Variants in MARCHF1 observed in about 807,000 individuals in gnomAD.
MARCHF1 encodes E3 ubiquitin-protein ligase MARCHF1.
Under a neutral mutation model 54.2 loss-of-function variants are expected in MARCHF1, and 40 were observed. That is an observed-to-expected ratio of 0.74 (90% CI 0.57 to 0.96). The LOEUF (loss-of-function observed/expected upper bound fraction) is 0.96. Among genes scored for constraint, MARCHF1 ranks in the 40% least tolerant of loss-of-function variants. The probability of loss-of-function intolerance (pLI) is 0.00; values close to 1 mark genes in which losing one functional copy is unlikely to be tolerated. For missense variants in MARCHF1, 586 were observed against 656.5 expected (o/e 0.89, Z 1.17); for synonymous variants, 236 against 236.3 (o/e 1.00, Z 0.01).
chr4:163,995,238 G>A (rs960456473), intron 2 of MARCHF1, among the ~76,000 whole-genome samples: 2 of 152,082 alleles, frequency 1.3e-5, no homozygotes, highest in Non-Finnish European at 1.5e-5. Flanking sequence ...ATATTCAGGT[G>A]TATGGGTTTA....
intron 3 of MARCHF1, among the ~76,000 whole-genome samples, chr4:163,926,801 T>A (rs1190210172): frequency 6.6e-6 from 1 of 151,694 alleles, no homozygotes; most frequent in East Asian, 1.9e-4. Context: ...AATCCACAAT[T>A]TGGGCAGGTA....
intron 1 of MARCHF1, among the ~76,000 whole-genome samples, chr4:164,120,273 C>G (rs1430970): frequency 0.49 from 74,185 of 151,772 alleles, 18,458 homozygotes; most frequent in South Asian, 0.56. Context: ...TCCAACTCAG[C>G]AAGATAATCT....
At chr4:163,708,159 C>T (rs1745004673) in intron 4 of MARCHF1, among the ~76,000 whole-genome samples, 1 of 151,520 alleles carries the variant, frequency 6.6e-6, no homozygotes, top group African/African-American at 2.4e-5. Flanking sequence ...GAAACAGGCT[C>T]ATTGTACTCT....
chr4:164,181,624 T>C (rs1730836467), intron 1 of MARCHF1, among the ~76,000 whole-genome samples: 1 of 152,208 alleles, frequency 6.6e-6, no homozygotes, highest in African/African-American at 2.4e-5. Flanking sequence ...TTTTCTATAA[T>C]GAGCAGTGCT....
chr4:163,841,432 T>C (rs1436147935), intron 4 of MARCHF1, among the ~76,000 whole-genome samples: 1 of 132,032 alleles, frequency 7.6e-6, no homozygotes, highest in African/African-American at 2.8e-5. Context: ...AAAATTGCTA[T>C]ATAAAATAGA....
intron 1 of MARCHF1, among the ~76,000 whole-genome samples, chr4:164,219,936 T>C (rs759063461): frequency 2.0e-5 from 3 of 151,956 alleles, no homozygotes; most frequent in Non-Finnish European, 4.4e-5. Context: ...TGAAGTTACA[T>C]ATCAATTTAC....
chr4:163,967,300 G>A (rs1292863283), intron 3 of MARCHF1, among the ~76,000 whole-genome samples: 1 of 152,126 alleles, frequency 6.6e-6, no homozygotes, highest in East Asian at 1.9e-4. Flanking sequence ...ATAGAGATCA[G>A]TCAGGAGCAG....
At position 163,564,502 on chromosome 4, in the gene MARCHF1, G is replaced by C. The variant is rs375281506; in HGVS notation, c.1192-18759C>G. ...ACTTTATTTAAGGCCACATACTTGT[G>C]TTCTCAAATCTTTAGGAATCATGAA... On this transcript the variant is annotated intron_variant, in intron 8 of 9. Coordinates refer to ENST00000514618, the MANE Select transcript of MARCHF1 (RefSeq NM_001394959.1). Among the ~76,000 whole-genome samples, 99 of 152,292 alleles carry C rather than the reference G, an allele frequency of 6.5e-4. 1 individual carries two copies. Among genetic ancestry groups the C allele is most frequent in the African/African-American group, 2.4e-3 (98 of 41,556 alleles).
At chr4:163,763,094 C>T (rs1205967912) in intron 4 of MARCHF1, among the ~76,000 whole-genome samples, 1 of 152,014 alleles carries the variant, frequency 6.6e-6, no homozygotes, top group African/African-American at 2.4e-5. Context: ...CTTTATAGTT[C>T]CTATTTCACT....
At chr4:164,253,612 A>G (rs954953155) in intron 1 of MARCHF1, among the ~76,000 whole-genome samples, 4 of 152,116 alleles carry the variant, frequency 2.6e-5, no homozygotes, top group Non-Finnish European at 5.9e-5. Flanking sequence ...CTTTGTGTAT[A>G]TATCTATATT....
rs11309501 is a variant in MARCHF1 at position 164,224,242 on chromosome 4, G to GT, written c.-322-112581dup. Reference sequence around the variant, plus strand: ...AAAGTAGACATTTAAAATATTATGAGTTTTTTTTTTTGCGATTTTTAGCTC... The same window carrying GT: ...AAAGTAGACATTTAAAATATTATGAGTTTTTTTTTTTTGCGATTTTTAGCTC... On this transcript the variant is annotated intron_variant, in intron 1 of 9. Transcript: ENST00000514618. 1.2e-4 allele frequency among the ~76,000 whole-genome samples: 18 copies of GT among 147,766 alleles called. No homozygotes were observed. The East Asian group carries it at 1.8e-3, about 15-fold the overall frequency.
At chr4:163,886,020 T>TAA (rs11347045) in intron 3 of MARCHF1, among the ~76,000 whole-genome samples, 9 of 142,968 alleles carry the variant, frequency 6.3e-5, no homozygotes, top group South Asian at 2.2e-4. Flanking sequence ...CATACCTAGC[T>TAA]AAAAAAAAAA....
intron 3 of MARCHF1, among the ~76,000 whole-genome samples, chr4:163,882,257 T>C (rs1176527844): frequency 1.3e-5 from 2 of 152,190 alleles, no homozygotes; most frequent in African/African-American, 4.8e-5. Flanking sequence ...GGGGTAATAA[T>C]TGGGCCAGTG....
In MARCHF1 at chr4:164,163,471, G is replaced by C. The variant is rs140133984; in HGVS notation, c.-322-51809C>G. On this transcript the variant is annotated intron_variant, in intron 1 of 9. Coordinates refer to ENST00000514618, the MANE Select transcript of MARCHF1 (RefSeq NM_001394959.1). ...AATGCTAAAATAATGGTACCAGGGTGTATAACTTTCAAACTAGTAGAGGAA... is the reference window on the plus strand; with the variant it reads ...AATGCTAAAATAATGGTACCAGGGTCTATAACTTTCAAACTAGTAGAGGAA... Among the ~76,000 whole-genome samples the C allele has an allele frequency of 4.9e-3, 748 of 151,990 alleles. 8 individuals carry two copies. The highest frequency in any genetic ancestry group is 0.017 in the African/African-American group (722 of 41,520).
At chr4:163,560,015 C>T (rs2110972482) in intron 8 of MARCHF1, among the ~76,000 whole-genome samples, 1 of 149,532 alleles carries the variant, frequency 6.7e-6, no homozygotes, top group East Asian at 2.0e-4. Flanking sequence ...ATATTATTTT[C>T]CAATATATGG....
At chr4:163,649,629 A>G (rs1231944446) in intron 5 of MARCHF1, among the ~76,000 whole-genome samples, 3 of 152,040 alleles carry the variant, frequency 2.0e-5, no homozygotes, top group Admixed American at 1.3e-4. Context: ...GTTTTAATGA[A>G]TAACAATAAA....
At chr4:163,684,842 C>T (rs991469425) in intron 5 of MARCHF1, among the ~76,000 whole-genome samples, 5 of 152,336 alleles carry the variant, frequency 3.3e-5, no homozygotes, top group Non-Finnish European at 7.3e-5. Flanking sequence ...GTATATCCAA[C>T]ATCCACATTT....
intron 2 of MARCHF1, among the ~76,000 whole-genome samples, chr4:164,005,623 T>C (rs1475917125): frequency 2.0e-5 from 3 of 152,150 alleles, no homozygotes; most frequent in African/African-American, 7.2e-5. Context: ...GACCTGTCCC[T>C]GCCTTACCTC....
chr4:164,035,057 C>T (rs926849333), intron 2 of MARCHF1, among the ~76,000 whole-genome samples: 3 of 151,974 alleles, frequency 2.0e-5, no homozygotes, highest in African/African-American at 7.2e-5. Flanking sequence ...GAAAATGCCT[C>T]TAATATCCAT....
Sources: gnomAD v4.1 joint callset for allele counts (sites outside exome capture counted in the v4.1 genomes callset) on GRCh38, gnomAD v4.1.1 for gene constraint, MANE v1.5 for transcripts, NCBI Gene and HGNC (gene_info 2026-07-23, HGNC 2026-07-21) for gene names.